FCHSD2: variants seen among roughly 807,000 people sequenced by gnomAD.
The protein encoded by FCHSD2 is F-BAR and double SH3 domains protein 2.
FCHSD2 carries 38 observed loss-of-function variants against 108.1 expected under a neutral mutation model. That is an observed-to-expected ratio of 0.35 (90% CI 0.27 to 0.46). FCHSD2 has a LOEUF of 0.46. FCHSD2 is among the 20% of genes least tolerant of loss of function. The pLI is 1.00. For synonymous variants in FCHSD2, 279 were observed against 314.7 expected (o/e 0.89, Z 1.20); for missense variants, 751 against 897.8 (o/e 0.84, Z 2.09).
At chr11:72,890,871 C>T (rs1855299876) in intron 10 of FCHSD2, among the ~76,000 whole-genome samples, 1 of 152,000 alleles carries the variant, frequency 6.6e-6, no homozygotes, top group Admixed American at 6.5e-5. Context: ...CCAAGAAAAA[C>T]AAACTTTATT....
At chr11:73,033,997 T>C (rs148305589) in intron 3 of FCHSD2, among the ~76,000 whole-genome samples, 130 of 152,236 alleles carry the variant, frequency 8.5e-4, no homozygotes, top group African/African-American at 3.1e-3. Context: ...GAAAATATAA[T>C]AGACAATTTT....
intron 3 of FCHSD2, among the ~76,000 whole-genome samples, chr11:73,034,536 T>C (rs188262611): frequency 6.6e-6 from 1 of 152,226 alleles, no homozygotes; most frequent in East Asian, 1.9e-4. Flanking sequence ...GATCAAAGTT[T>C]CCACTCTTGT....
intron 3 of FCHSD2, among the ~76,000 whole-genome samples, chr11:73,067,992 G>C (rs536584411): frequency 6.6e-6 from 1 of 152,254 alleles, no homozygotes; most frequent in African/African-American, 2.4e-5. Flanking sequence ...ACAGACACGA[G>C]AGAATAAGAA....
At chr11:73,036,301 A>C (rs1858495311) in intron 3 of FCHSD2, among the ~76,000 whole-genome samples, 1 of 152,036 alleles carries the variant, frequency 6.6e-6, no homozygotes, top group South Asian at 2.1e-4. Context: ...AGAAACAACC[A>C]AAGAAGTATA....
At chr11:72,926,970 T>C (rs1856089411) in intron 8 of FCHSD2, among the ~76,000 whole-genome samples, 2 of 152,240 alleles carry the variant, frequency 1.3e-5, no homozygotes, top group Admixed American at 6.5e-5. Flanking sequence ...ACTACTTATA[T>C]GAAAAGGATT....
At chr11:72,893,150 C>T (rs556031439) in intron 10 of FCHSD2, among the ~76,000 whole-genome samples, 1 of 151,890 alleles carries the variant, frequency 6.6e-6, no homozygotes, top group Non-Finnish European at 1.5e-5. Context: ...AGGGCATGTA[C>T]CACCATGCCC....
At chr11:73,012,342 G>A (rs2135429543) in intron 4 of FCHSD2, among the ~76,000 whole-genome samples, 1 of 152,184 alleles carries the variant, frequency 6.6e-6, no homozygotes, top group East Asian at 1.9e-4. Flanking sequence ...GCCCATGTGT[G>A]AATCACACAG....
intron 8 of FCHSD2, among the ~76,000 whole-genome samples, chr11:72,937,391 CAGAA>C (rs1856324868): frequency 6.6e-6 from 1 of 152,182 alleles, no homozygotes; most frequent in Non-Finnish European, 1.5e-5. Context: ...ATTGAACTGA[CAGAA>C]AGCATTTAGC....
intron 3 of FCHSD2, among the ~76,000 whole-genome samples, chr11:73,050,302 G>A (rs1858868251): frequency 6.6e-6 from 1 of 152,090 alleles, no homozygotes; most frequent in African/African-American, 2.4e-5. Context: ...ACCACTTCTA[G>A]CTCCAAGTTT....
rs554857121 is a variant in FCHSD2, at chr11:73,090,428, T to C, written c.120-6688A>G. 3.1e-3 allele frequency among the ~76,000 whole-genome samples: 472 copies of C among 152,078 alleles called. 1 individual carries two copies. Among genetic ancestry groups the C allele is most frequent in the Admixed American group, 5.4e-3 (83 of 15,270 alleles). On this transcript the variant is annotated intron_variant, in intron 2 of 19. Transcript: ENST00000409418. ...TTTTAGTAGAGACGGGGTTTCACCG[T>C]TTTAGCCGGGATGGTCTCGATCTGC...
chr11:73,128,454 C>T (rs1280747067), intron 2 of FCHSD2, among the ~76,000 whole-genome samples: 1 of 152,018 alleles, frequency 6.6e-6, no homozygotes, highest in Non-Finnish European at 1.5e-5. Flanking sequence ...TCCTCTGCAG[C>T]TAGGCATGTT....
chr11:73,008,348 A>G (rs1857787085), intron 4 of FCHSD2, among the ~76,000 whole-genome samples: 1 of 152,182 alleles, frequency 6.6e-6, no homozygotes, highest in Non-Finnish European at 1.5e-5. Flanking sequence ...AAACAAAGAA[A>G]AGAAAATGTG....
intron 4 of FCHSD2, among the ~76,000 whole-genome samples, 190 bp downstream of exon 4, chr11:73,015,619 G>A (rs930484943): frequency 4.6e-5 from 7 of 151,880 alleles, no homozygotes; most frequent in Non-Finnish European, 7.4e-5. Context: ...ATTTTATATA[G>A]ATTACAATCT....
chr11:72,992,047 G>A (rs371330272), intron 5 of FCHSD2, among the ~76,000 whole-genome samples: 5 of 152,212 alleles, frequency 3.3e-5, no homozygotes, highest in South Asian at 4.1e-4. Context: ...TAAGCTGATA[G>A]GCAACTTCAG....
chr11:72,924,434 C>T (rs1856035572), intron 8 of FCHSD2, among the ~76,000 whole-genome samples: 1 of 141,232 alleles, frequency 7.1e-6, no homozygotes, highest in African/African-American at 2.5e-5. Context: ...CCCGCCACCA[C>T]ACCCGGCTTT....
intron 8 of FCHSD2, among the ~76,000 whole-genome samples, chr11:72,959,290 C>T (rs1438234736): frequency 2.2e-4 from 25 of 115,868 alleles, no homozygotes; most frequent in African/African-American, 8.1e-4. Flanking sequence ...AGTGCAGTGG[C>T]CCGATCTCGG....
chr11:73,052,109 T>A (rs2135477214), intron 3 of FCHSD2, among the ~76,000 whole-genome samples: 1 of 152,324 alleles, frequency 6.6e-6, no homozygotes, highest in South Asian at 2.1e-4. Context: ...ACTTAATAAA[T>A]GCAAAGATAG....
At chr11:73,136,345 G>A (rs1861119895) in intron 2 of FCHSD2, among the ~76,000 whole-genome samples, 1 of 151,824 alleles carries the variant, frequency 6.6e-6, no homozygotes, top group African/African-American at 2.4e-5. Flanking sequence ...AGGACTGCTT[G>A]AACCCAAAGT....
At chr11:72,905,556 T>C (rs1855611066) in intron 9 of FCHSD2, among the ~76,000 whole-genome samples, 1 of 152,132 alleles carries the variant, frequency 6.6e-6, no homozygotes, top group African/African-American at 2.4e-5. Flanking sequence ...ATCATTTACG[T>C]TAGGTATTTC....
Sources: allele counts gnomAD v4.1 joint callset (sites outside exome capture counted in the v4.1 genomes callset), GRCh38; gene constraint gnomAD v4.1.1; transcripts MANE v1.5; gene names NCBI Gene and HGNC (gene_info 2026-07-23, HGNC 2026-07-21).